Variants in LRP11 observed in about 807,000 individuals in gnomAD.
The protein encoded by LRP11 is LDL receptor related protein 11, also known as low-density lipoprotein receptor-related protein 11.
A neutral mutation model predicts 43.1 loss-of-function variants in LRP11; 25 were observed. That is an observed-to-expected ratio of 0.58 (90% CI 0.42 to 0.81). LRP11 has a LOEUF of 0.81. Among genes scored for constraint, LRP11 ranks in the 30% least tolerant of loss-of-function variants. LRP11 has a pLI of 0.00. For missense variants in LRP11, 623 were observed against 665.1 expected, an observed-to-expected ratio of 0.94 and a Z score of 0.70; for synonymous variants, 316 against 299.4, an observed-to-expected ratio of 1.06 and a Z score of -0.57.
intron 2 of LRP11, among the ~76,000 whole-genome samples, chr6:149,851,029 T>C (rs1776711190): frequency 6.6e-6 from 1 of 152,212 alleles, no homozygotes; most frequent in South Asian, 2.1e-4. Flanking sequence ...GTGTTAACTT[T>C]GGGTGACATT....
intron 3 of LRP11, 122 bp from the exon 4 acceptor site, chr6:149,837,585 G>T: frequency 1.0e-6 from 1 of 989,344 alleles, no homozygotes; most frequent in Non-Finnish European, 1.5e-6. Context: ...CAAATAATGA[G>T]GCAAACCTAA....
intron 1 of LRP11, among the ~76,000 whole-genome samples, chr6:149,859,144 G>C (rs1349686372): frequency 2.6e-5 from 4 of 151,856 alleles, no homozygotes; most frequent in Admixed American, 6.6e-5. Context: ...GTTTCCAAGA[G>C]GGAAGTAGCA....
chr6:149,864,172 C>T lies in LRP11; in HGVS notation c.-152G>A, dbSNP rs1776998902. The T allele has an allele frequency of 2.1e-5, 24 of 1,139,976 alleles. 1 individual carries two copies. In the South Asian group the frequency reaches 9.2e-4, roughly 44 times the overall value. 70.6% of individuals were successfully genotyped at this position (1,139,976 alleles called of 1,614,324 possible). On this transcript the variant is annotated 5_prime_UTR_variant, in exon 1 of 7. Transcript: ENST00000239367. ...AGCGCGGCGCCCCCGAACCCGGCTG[C>T]TCCCCCGAGGTCGCGGGCGCCGGCG...
rs1776490887 is a variant in LRP11, at chr6:149,837,614, C to A, written c.914-151G>T. ...AACCTAACAATTCCAGCAACAGGTT[C>A]TGGAGAGGTTGGAGGGCTCTTTTTG... is the stretch of plus-strand genomic sequence containing the variant. On this transcript the variant is annotated intron_variant, in intron 3 of 6. Coordinates refer to ENST00000239367, the MANE Select transcript of LRP11 (RefSeq NM_032832.6). 1.1e-5 allele frequency: 9 copies of A among 792,362 alleles called. No individual in the cohort carries two copies. In the South Asian group the frequency reaches 1.6e-4, roughly 14 times the overall value. The allele number at this position is 792,362 out of a possible 1,614,324, so 49.1% of individuals were successfully genotyped here.
At chr6:149,839,611 A>G (rs980896679) in intron 3 of LRP11, among the ~76,000 whole-genome samples, 10 of 152,186 alleles carry the variant, frequency 6.6e-5, no homozygotes, top group African/African-American at 9.6e-5. Context: ...TTGATCATGC[A>G]TCCTGATCAA....
chr6:149,855,479 G>T (rs935124401), intron 1 of LRP11, among the ~76,000 whole-genome samples: 3 of 152,156 alleles, frequency 2.0e-5, no homozygotes, highest in African/African-American at 4.8e-5. Context: ...TTGTAACTTT[G>T]AGTTGGTCTG....
chr6:149,853,274 C>A, intron 1 of LRP11, 114 bp from the exon 2 acceptor site: 1 of 771,006 alleles, frequency 1.3e-6, no homozygotes, highest in Non-Finnish European at 1.9e-6. Flanking sequence ...CTAAGAGAAT[C>A]CATATTAAAT....
At chr6:149,857,504 CAA>C (rs78898379) in intron 1 of LRP11, among the ~76,000 whole-genome samples, 112 of 120,660 alleles carry the variant, frequency 9.3e-4, no homozygotes, top group Non-Finnish European at 1.1e-3. Flanking sequence ...GTCCCTGTGT[CAA>C]AAAAAAAAAA....
chr6:149,853,336 C>A (rs990825707), intron 1 of LRP11, 176 bp from the exon 2 acceptor site: 2 of 577,582 alleles, frequency 3.5e-6, no homozygotes, highest in East Asian at 6.6e-5. Context: ...CTATAATATG[C>A]GCAGAAGAGG....
chr6:149,855,909 G>A (rs1562446726), intron 1 of LRP11, among the ~76,000 whole-genome samples: 2 of 152,202 alleles, frequency 1.3e-5, no homozygotes, highest in South Asian at 4.1e-4. Context: ...GAACAAACAC[G>A]GAGTGTCTGA....
At chr6:149,848,699 G>A (rs1417046499) in intron 2 of LRP11, among the ~76,000 whole-genome samples, 1 of 152,062 alleles carries the variant, frequency 6.6e-6, no homozygotes, top group African/African-American at 2.4e-5. Flanking sequence ...ACAGAGAAAG[G>A]GGAACAGCAC....
At chr6:149,843,915 T>C (rs1776589769) in intron 2 of LRP11, among the ~76,000 whole-genome samples, 1 of 152,152 alleles carries the variant, frequency 6.6e-6, no homozygotes, top group South Asian at 2.1e-4. Context: ...CTAACTGACC[T>C]AGCAAAAGTC....
chr6:149,853,195 T>A (rs1562445719), intron 1 of LRP11, 35 bp from the exon 2 acceptor site: 1 of 1,489,348 alleles, frequency 6.7e-7, no homozygotes, highest in Admixed American at 2.3e-5. Context: ...TAAAAGATGA[T>A]TTCTTATTTT....
chr6:149,838,154 A>G (rs1169384118), intron 3 of LRP11, among the ~76,000 whole-genome samples: 1 of 151,544 alleles, frequency 6.6e-6, no homozygotes, highest in Non-Finnish European at 1.5e-5. Context: ...CCTGACCTCA[A>G]CTGATCCACC....
At chr6:149,853,911 T>G (rs1362701697) in intron 1 of LRP11, among the ~76,000 whole-genome samples, 1 of 152,198 alleles carries the variant, frequency 6.6e-6, no homozygotes, top group East Asian at 1.9e-4. Context: ...AGGAGTGATA[T>G]AAAGTATTCA....
intron 1 of LRP11, among the ~76,000 whole-genome samples, chr6:149,856,794 C>CA (rs1776805304): frequency 6.6e-6 from 1 of 152,092 alleles, no homozygotes. Context: ...ACAGAGCCTC[C>CA]ATGACAAGGA....
chr6:149,829,396 A>T (rs1776380831), intron 5 of LRP11, among the ~76,000 whole-genome samples: 1 of 151,994 alleles, frequency 6.6e-6, no homozygotes, highest in African/African-American at 2.4e-5. Flanking sequence ...CCCCATCTCT[A>T]CTAAAAATAC....
rs1278696927 is a variant in LRP11, at chr6:149,863,439, G to T, written c.582C>A (p.Ala194=). The T allele has an allele frequency of 3.8e-6, 5 of 1,322,910 alleles. No individual in the cohort carries two copies. Among genetic ancestry groups the T allele is most frequent in the Admixed American group, 8.1e-5 (2 of 24,724 alleles). The allele number at this position is 1,322,910 out of a possible 1,614,324, so 81.9% of individuals were successfully genotyped here. Residue 194 remains alanine, a synonymous_variant, in exon 1 of 7, where the codon GCC becomes GCA. Transcript: ENST00000239367. Reference sequence around the variant, plus strand: ...GGGGCGAGGCGCGCGCGGTGGCCAGGGCGGCGCCGTCCGGCGCGCGGCTGA... The same window carrying T: ...GGGGCGAGGCGCGCGCGGTGGCCAGTGCGGCGCCGTCCGGCGCGCGGCTGA... ...YSLSRAPDGA[A]LATARASPRQ... is the part of the protein sequence containing the mutation.
chr6:149,849,575 A>G (rs1436121881), intron 2 of LRP11, among the ~76,000 whole-genome samples: 1 of 152,002 alleles, frequency 6.6e-6, no homozygotes, highest in Non-Finnish European at 1.5e-5. Flanking sequence ...TGGGCAGCAT[A>G]GTGAGACCTC....
Sources: allele counts gnomAD v4.1 joint callset (sites outside exome capture counted in the v4.1 genomes callset), GRCh38; gene constraint gnomAD v4.1.1; transcripts MANE v1.5; gene names NCBI Gene and HGNC (gene_info 2026-07-23, HGNC 2026-07-21).